The following RGS6 variants were observed in gnomAD, a reference collection of about 807,000 sequenced individuals.
RGS6 encodes regulator of G-protein signaling 6.
Under a neutral mutation model 78.5 loss-of-function variants are expected in RGS6, and 30 were observed. That is an observed-to-expected ratio of 0.38 (90% CI 0.29 to 0.52). The LOEUF (loss-of-function observed/expected upper bound fraction) is 0.52. Among genes scored for constraint, RGS6 ranks in the 20% least tolerant of loss-of-function variants. The pLI, the probability that RGS6 is intolerant of heterozygous loss-of-function variation, is 0.85. For missense variants in RGS6, 495 were observed against 609.7 expected (o/e 0.81, Z 1.98); for synonymous variants, 206 against 206.0 (o/e 1.00, Z 0.00).
chr14:72,238,428 G>T (rs543709838), intron 2 of RGS6, among the ~76,000 whole-genome samples: 1 of 152,104 alleles, frequency 6.6e-6, no homozygotes, highest in Admixed American at 6.6e-5. Flanking sequence ...TGTCTGTATC[G>T]CTATGTCAGT....
chr14:72,093,329 C>T (rs1380812954), intron 2 of RGS6, among the ~76,000 whole-genome samples: 1 of 152,150 alleles, frequency 6.6e-6, no homozygotes, highest in African/African-American at 2.4e-5. Flanking sequence ...GCAGCCTCTA[C>T]CTCCCCGGGC....
chr14:72,001,023 T>G (rs1443369937), intron 2 of RGS6, among the ~76,000 whole-genome samples: 2 of 152,248 alleles, frequency 1.3e-5, no homozygotes, highest in Non-Finnish European at 2.9e-5. Context: ...AGGAACACCC[T>G]TTAGTTTCGT....
chr14:71,911,999 C>T, the RGS6 span, among the ~76,000 whole-genome samples: 2 of 152,172 alleles, frequency 1.3e-5, no homozygotes, highest in Admixed American at 1.3e-4. Flanking sequence ...CATCTAAACG[C>T]ATTAAAATTA....
At chr14:72,541,011 A>C (rs1396230216) in intron 17 of RGS6, 2 of 1,293,090 alleles carry the variant, frequency 1.5e-6, no homozygotes, top group Non-Finnish European at 1.0e-6. Flanking sequence ...GGTCGGCCCA[A>C]GATTTGAACA....
At position 72,247,081 on chromosome 14, in the gene RGS6, A is replaced by G. The variant is rs187244158; in HGVS notation, c.85-105014A>G. On this transcript the variant is annotated intron_variant, in intron 2 of 17. Coordinates refer to ENST00000553525, the MANE Select transcript of RGS6 (RefSeq NM_001204424.2). ...TGCACCTAGAATGTTTTCAAAAGTT[A>G]TTCTAAAAGCCTAAAATAACTTCCG... 6.9e-4 allele frequency among the ~76,000 whole-genome samples: 105 copies of G among 152,268 alleles called. 2 individuals carry two copies. The highest frequency in any genetic ancestry group is 2.4e-3 in the African/African-American group (100 of 41,546).
chr14:71,968,482 A>G (rs1007030397), intron 2 of RGS6, among the ~76,000 whole-genome samples: 2 of 152,160 alleles, frequency 1.3e-5, no homozygotes, highest in African/African-American at 4.8e-5. Flanking sequence ...TAGAAGAACC[A>G]AGCTCTTGTC....
intron 2 of RGS6, 73 bp downstream of exon 2, chr14:71,964,948 GAC>G (rs2093426725): frequency 8.9e-7 from 1 of 1,127,812 alleles, no homozygotes; most frequent in African/African-American, 1.6e-5. Flanking sequence ...CTGATAAAAA[GAC>G]AAATGTTTTC....
At chr14:72,537,146 GGCTCAACTT>G (rs1159811181) in intron 16 of RGS6, among the ~76,000 whole-genome samples, 1 of 152,168 alleles carries the variant, frequency 6.6e-6, no homozygotes, top group African/African-American at 2.4e-5. Context: ...GGTTAAGTGT[GGCTCAACTT>G]GCACCAAACC....
intron 2 of RGS6, among the ~76,000 whole-genome samples, chr14:72,046,636 C>A (rs1038458723): frequency 6.6e-6 from 1 of 151,774 alleles, no homozygotes; most frequent in Admixed American, 6.6e-5. Flanking sequence ...CCTCCCCCAA[C>A]CCTTCTTCCT....
At chr14:72,340,488 C>T (rs2076792985) in intron 2 of RGS6, among the ~76,000 whole-genome samples, 1 of 152,092 alleles carries the variant, frequency 6.6e-6, no homozygotes, top group Non-Finnish European at 1.5e-5. Flanking sequence ...GGGTAGTGGT[C>T]ATCGTGCAAG....
At chr14:72,012,861 G>T (rs878966499) in intron 2 of RGS6, among the ~76,000 whole-genome samples, 1 of 152,146 alleles carries the variant, frequency 6.6e-6, no homozygotes, top group East Asian at 1.9e-4. Flanking sequence ...TTGCTGGGTG[G>T]TTGTGAGCAA....
chr14:72,614,789 A>AAAAAAAAAAAAT, the RGS6 span, among the ~76,000 whole-genome samples: 2 of 150,560 alleles, frequency 1.3e-5, no homozygotes, highest in Non-Finnish European at 3.0e-5. Context: ...AAAAAAAAAA[A>AAAAAAAAAAAAT]GAGTTACAAT....
chr14:72,236,990 A>G (rs1378543323), intron 2 of RGS6, among the ~76,000 whole-genome samples: 1 of 152,146 alleles, frequency 6.6e-6, no homozygotes, highest in Non-Finnish European at 1.5e-5. Context: ...GTGCACGCAG[A>G]GGGAACCCAT....
intron 3 of RGS6, among the ~76,000 whole-genome samples, chr14:72,430,059 T>C (rs1309664744): frequency 6.6e-6 from 1 of 152,164 alleles, no homozygotes; most frequent in Non-Finnish European, 1.5e-5. Flanking sequence ...CCTTTTTCCT[T>C]TATAAATTAA....
intron 2 of RGS6, among the ~76,000 whole-genome samples, chr14:72,129,573 C>T (rs1401822276): frequency 6.6e-6 from 1 of 152,170 alleles, no homozygotes; most frequent in Non-Finnish European, 1.5e-5. Context: ...GACATCTGTT[C>T]TGCAGTCAGA....
chr14:72,420,245 A>G (rs1288372371), intron 3 of RGS6, among the ~76,000 whole-genome samples: 2 of 152,168 alleles, frequency 1.3e-5, no homozygotes, highest in Admixed American at 1.3e-4. Flanking sequence ...CGTTTTTATA[A>G]CCTGTTCTAT....
At chr14:71,931,166 A>G (rs1374344130), upstream of RGS6, among the ~76,000 whole-genome samples, 1 of 152,142 alleles carries the variant, frequency 6.6e-6, no homozygotes, top group Non-Finnish European at 1.5e-5. Context: ...TTTATATTTC[A>G]GCTTTAATAA....
rs532717253 is a variant in RGS6, at chr14:72,547,011, C to T, written c.1422+6917C>T. 2.1e-4 allele frequency: 135 copies of T among 650,782 alleles called. 3 individuals carry two copies. The South Asian group carries it at 2.1e-3, about 10-fold the overall frequency. The allele number at this position is 650,782 out of a possible 1,614,324, so 40.3% of individuals were successfully genotyped here. ...TCACTTGTGCAGTCAGACCCCAGTG[C>T]CATCCTCGTGCAGCCACATGGGAAC... On this transcript the variant is annotated intron_variant, in intron 17 of 17. Coordinates refer to ENST00000553525, the MANE Select transcript of RGS6 (RefSeq NM_001204424.2).
At chr14:72,057,035 C>T (rs1426377340) in intron 2 of RGS6, among the ~76,000 whole-genome samples, 1 of 152,002 alleles carries the variant, frequency 6.6e-6, no homozygotes, top group Non-Finnish European at 1.5e-5. Flanking sequence ...TGTTTGCGGC[C>T]TGGAGCAGTG....
Sources: gnomAD v4.1 joint callset for allele counts (sites outside exome capture counted in the v4.1 genomes callset) on GRCh38, gnomAD v4.1.1 for gene constraint, MANE v1.5 for transcripts, NCBI Gene and HGNC (gene_info 2026-07-23, HGNC 2026-07-21) for gene names.